The following EPHA6 variants were observed in gnomAD, a reference collection of about 807,000 sequenced individuals.
The protein encoded by EPHA6 is ephrin type-A receptor 6.
In EPHA6, 50 loss-of-function variants were observed where a neutral mutation model predicts 112.0. That is an observed-to-expected ratio of 0.45 (90% CI 0.36 to 0.56). The LOEUF (loss-of-function observed/expected upper bound fraction) is 0.56, where lower values mean the gene tolerates loss of function less well. Ranked by LOEUF, EPHA6 falls within the 20% of genes least tolerant of loss-of-function variation. The pLI is 0.00. For missense variants in EPHA6, 1,280 were observed against 1,417.4 expected (o/e 0.90, Z 1.56); for synonymous variants, 529 against 490.7 (o/e 1.08, Z -1.03).
At chr3:97,013,832 C>A (rs1334453542) in intron 3 of EPHA6, among the ~76,000 whole-genome samples, 2 of 152,046 alleles carry the variant, frequency 1.3e-5, no homozygotes, top group Non-Finnish European at 2.9e-5. Context: ...TAGTTATATT[C>A]AAATTATGAA....
At chr3:97,223,747 G>A (rs1467378130) in intron 3 of EPHA6, among the ~76,000 whole-genome samples, 1 of 152,184 alleles carries the variant, frequency 6.6e-6, no homozygotes, top group Non-Finnish European at 1.5e-5. Context: ...TAACGGAGAA[G>A]GTGCAAGAAG....
chr3:96,844,531 G>T (rs182445445), intron 1 of EPHA6, among the ~76,000 whole-genome samples: 197 of 152,072 alleles, frequency 1.3e-3, no homozygotes, highest in Non-Finnish European at 2.3e-3. Context: ...TTGTCTTATA[G>T]AGATGTTAAA....
intron 7 of EPHA6, among the ~76,000 whole-genome samples, chr3:97,473,918 A>G (rs2091298361): frequency 6.6e-6 from 1 of 151,882 alleles, no homozygotes; most frequent in African/African-American, 2.4e-5. Flanking sequence ...TGATTAAATC[A>G]TAGTGACTAA....
intron 4 of EPHA6, among the ~76,000 whole-genome samples, chr3:97,227,355 G>C (rs537695989): frequency 3.2e-4 from 49 of 151,702 alleles, no homozygotes; most frequent in Non-Finnish European, 6.8e-4. Context: ...TGAGTAGCTG[G>C]GACTACAGGC....
chr3:97,258,587 C>A (rs981413418), intron 5 of EPHA6, among the ~76,000 whole-genome samples: 17 of 152,182 alleles, frequency 1.1e-4, no homozygotes, highest in Non-Finnish European at 2.1e-4. Flanking sequence ...CTGCTGTTTA[C>A]CATCTGCATA....
intron 1 of EPHA6, among the ~76,000 whole-genome samples, chr3:96,850,993 A>C (rs2035350450): frequency 6.6e-6 from 1 of 152,182 alleles, no homozygotes; most frequent in Non-Finnish European, 1.5e-5. Context: ...AGTATAATCA[A>C]ATATGCCATT....
At chr3:97,270,857 A>C (rs2108639903) in intron 5 of EPHA6, among the ~76,000 whole-genome samples, 1 of 152,344 alleles carries the variant, frequency 6.6e-6, no homozygotes, top group South Asian at 2.1e-4. Context: ...TATGAACAGT[A>C]GTTATCATTG....
chr3:97,020,730 A>G (rs2044428731), intron 3 of EPHA6, among the ~76,000 whole-genome samples: 1 of 152,198 alleles, frequency 6.6e-6, no homozygotes, highest in African/African-American at 2.4e-5. Flanking sequence ...TACTTGCTAA[A>G]GGGGATCTCA....
intron 14 of EPHA6, among the ~76,000 whole-genome samples, chr3:97,712,204 C>T (rs1028156629): frequency 3.9e-5 from 6 of 151,990 alleles, no homozygotes; most frequent in African/African-American, 1.2e-4. Context: ...ATAAATACTA[C>T]AAATAAGAAA....
At chr3:97,184,629 G>A (rs566866002) in intron 3 of EPHA6, among the ~76,000 whole-genome samples, 1 of 152,224 alleles carries the variant, frequency 6.6e-6, no homozygotes, top group Non-Finnish European at 1.5e-5. Flanking sequence ...CGTGAACATG[G>A]CCATACTGCC....
At chr3:97,542,222 C>A (rs528754594) in intron 11 of EPHA6, among the ~76,000 whole-genome samples, 2 of 152,048 alleles carry the variant, frequency 1.3e-5, no homozygotes, top group South Asian at 4.1e-4. Context: ...AGGTATATCT[C>A]CTAATGCTAT....
At chr3:97,529,368 A>G (rs1419668818) in intron 10 of EPHA6, among the ~76,000 whole-genome samples, 1 of 152,062 alleles carries the variant, frequency 6.6e-6, no homozygotes, top group Non-Finnish European at 1.5e-5. Context: ...AATTTCTTAG[A>G]CCTGACACAG....
intron 10 of EPHA6, among the ~76,000 whole-genome samples, chr3:97,520,652 G>C (rs2092526609): frequency 6.6e-6 from 1 of 152,112 alleles, no homozygotes; most frequent in African/African-American, 2.4e-5. Context: ...TCTTTGCTTT[G>C]ACTTTTGAGA....
chr3:97,723,441 A>C lies in EPHA6; in HGVS notation c.2934+3031A>C, dbSNP rs535144357. On this transcript the variant is annotated intron_variant, in intron 15 of 17. Transcript: ENST00000389672. ...GAGTGATTTTTGTCTATTAAACCTCATTTGGCCACAGAGGCTCTATCTGGA... is the reference window on the plus strand; with the variant it reads ...GAGTGATTTTTGTCTATTAAACCTCCTTTGGCCACAGAGGCTCTATCTGGA... 8.6e-4 allele frequency among the ~76,000 whole-genome samples: 131 copies of C among 152,266 alleles called. 2 individuals carry two copies. The South Asian group carries it at 0.018, about 21-fold the overall frequency.
intron 2 of EPHA6, among the ~76,000 whole-genome samples, chr3:96,919,218 A>G (rs1189712727): frequency 6.6e-6 from 1 of 151,930 alleles, no homozygotes; most frequent in Non-Finnish European, 1.5e-5. Context: ...GTTAATATCA[A>G]GAGTAATAAT....
At chr3:96,998,911 G>A (rs2043523921) in intron 3 of EPHA6, among the ~76,000 whole-genome samples, 1 of 151,862 alleles carries the variant, frequency 6.6e-6, no homozygotes, top group South Asian at 2.1e-4. Flanking sequence ...CTTTGACTAT[G>A]CCTAGTTAAG....
chr3:97,062,037 C>A (rs1576416242), intron 3 of EPHA6, among the ~76,000 whole-genome samples: 1 of 152,220 alleles, frequency 6.6e-6, no homozygotes, highest in East Asian at 1.9e-4. Flanking sequence ...GGTGAAGATT[C>A]CCAGTGACTA....
At chr3:97,724,926 C>A (rs1012625819) in intron 15 of EPHA6, among the ~76,000 whole-genome samples, 5 of 151,954 alleles carry the variant, frequency 3.3e-5, no homozygotes, top group Admixed American at 6.6e-5. Context: ...TAAATGGAAA[C>A]AATACTGTGT....
rs116243047 is a variant in EPHA6 at position 97,210,535 on chromosome 3, C to T, written c.1115-15729C>T. On this transcript the variant is annotated intron_variant, in intron 3 of 17. Transcript: ENST00000389672. ...CACGGAGCCAAACCATATCACTCAC[C>T]AATTATTCTTTAAAAGTGTGATTCA... 5.7e-3 allele frequency among the ~76,000 whole-genome samples: 867 copies of T among 152,184 alleles called. 5 individuals are homozygous for T. The highest frequency in any genetic ancestry group is 0.02 in the African/African-American group (838 of 41,514).
Sources: allele counts gnomAD v4.1 joint callset (sites outside exome capture counted in the v4.1 genomes callset), GRCh38; gene constraint gnomAD v4.1.1; transcripts MANE v1.5; gene names NCBI Gene and HGNC (gene_info 2026-07-23, HGNC 2026-07-21).